MAGI1: variants seen among roughly 807,000 people sequenced by gnomAD.
MAGI1 encodes the protein membrane-associated guanylate kinase, WW and PDZ domain-containing protein 1.
In MAGI1, 58 loss-of-function variants were observed where a neutral mutation model predicts 139.9. The ratio of observed to expected loss-of-function variants is 0.41; its 90% CI spans 0.34 to 0.52. MAGI1 has a LOEUF of 0.52. Ranked by LOEUF, MAGI1 falls within the 20% of genes least tolerant of loss-of-function variation. The pLI is 0.12. For synonymous variants in MAGI1, 812 were observed against 737.9 expected, an observed-to-expected ratio of 1.10 and a Z score of -1.63; for missense variants, 1,874 against 1,901.6, an observed-to-expected ratio of 0.99 and a Z score of 0.27.
At chr3:65,415,057 C>T (rs1946102593) in intron 12 of MAGI1, among the ~76,000 whole-genome samples, 1 of 150,268 alleles carries the variant, frequency 6.7e-6, no homozygotes, top group African/African-American at 2.4e-5. Flanking sequence ...AACATCATTA[C>T]CTATAAAGAA....
At chr3:65,739,781 C>T (rs1171419057) in intron 1 of MAGI1, among the ~76,000 whole-genome samples, 2 of 152,112 alleles carry the variant, frequency 1.3e-5, no homozygotes, top group Non-Finnish European at 2.9e-5. Context: ...TTAAGTTTGC[C>T]ATCTTATATG....
intron 1 of MAGI1, among the ~76,000 whole-genome samples, chr3:65,906,942 A>C (rs1225369813): frequency 1.3e-5 from 2 of 152,140 alleles, no homozygotes; most frequent in East Asian, 3.9e-4. Context: ...AAAAAAAGAA[A>C]AAGAACTTGA....
At chr3:65,616,777 A>G (rs1559724140) in intron 2 of MAGI1, among the ~76,000 whole-genome samples, 1 of 152,216 alleles carries the variant, frequency 6.6e-6, no homozygotes, top group African/African-American at 2.4e-5. Context: ...CCAGTGTCCA[A>G]CACAACCTGA....
intron 1 of MAGI1, among the ~76,000 whole-genome samples, chr3:65,959,601 TTTATTA>T (rs34295973): frequency 0.04 from 5,108 of 127,208 alleles, 123 homozygotes; most frequent in Non-Finnish European, 0.047. Context: ...TCCCAGCATT[TTTATTA>T]TTATTATTAT....
At chr3:65,644,034 C>T (rs1417635162) in intron 1 of MAGI1, among the ~76,000 whole-genome samples, 1 of 152,114 alleles carries the variant, frequency 6.6e-6, no homozygotes, top group Non-Finnish European at 1.5e-5. Flanking sequence ...ACTTCTGCCC[C>T]ACATAGCAGT....
At chr3:65,913,390 C>G (rs1188407043) in intron 1 of MAGI1, among the ~76,000 whole-genome samples, 1 of 152,174 alleles carries the variant, frequency 6.6e-6, no homozygotes, top group Non-Finnish European at 1.5e-5. Flanking sequence ...CCCCAACCCC[C>G]CCAAAAAATC....
chr3:65,928,525 A>G (rs1335487273), intron 1 of MAGI1, among the ~76,000 whole-genome samples: 1 of 152,172 alleles, frequency 6.6e-6, no homozygotes, highest in Non-Finnish European at 1.5e-5. Flanking sequence ...CAACTGCTCT[A>G]TGAGGGCAGG....
chr3:65,789,286 C>A (rs141341815), intron 1 of MAGI1, among the ~76,000 whole-genome samples: 3,640 of 152,240 alleles, frequency 0.024, 56 homozygotes, highest in Non-Finnish European at 0.028. Flanking sequence ...TGCCACCAGT[C>A]CTGTGGTATT....
chr3:65,923,926 G>C (rs2062363666), intron 1 of MAGI1, among the ~76,000 whole-genome samples: 1 of 152,150 alleles, frequency 6.6e-6, no homozygotes, highest in African/African-American at 2.4e-5. Context: ...CAGCATCAAT[G>C]CACCTGAATT....
chr3:65,646,113 G>A (rs2085245997), intron 1 of MAGI1, among the ~76,000 whole-genome samples: 1 of 151,952 alleles, frequency 6.6e-6, no homozygotes, highest in African/African-American at 2.4e-5. Flanking sequence ...GAGGTTAGCA[G>A]AATAAATTTA....
At chr3:65,987,295 A>C (rs1254901039) in intron 1 of MAGI1, among the ~76,000 whole-genome samples, 1 of 152,122 alleles carries the variant, frequency 6.6e-6, no homozygotes, top group East Asian at 1.9e-4. Context: ...CAAGGCATGC[A>C]CCTTGTCATG....
intron 1 of MAGI1, among the ~76,000 whole-genome samples, chr3:65,625,427 C>G (rs1245081749): frequency 6.6e-6 from 1 of 152,042 alleles, no homozygotes; most frequent in African/African-American, 2.4e-5. Context: ...GGTAGTTAAG[C>G]CAGACGTGCC....
intron 1 of MAGI1, among the ~76,000 whole-genome samples, chr3:65,643,552 A>G (rs1028379443): frequency 1.3e-5 from 2 of 152,174 alleles, no homozygotes; most frequent in African/African-American, 4.8e-5. Flanking sequence ...ACCTTGGGAC[A>G]AACCTCAACA....
At chr3:66,024,266 T>A (rs895789523) in intron 1 of MAGI1, among the ~76,000 whole-genome samples, 7 of 144,030 alleles carry the variant, frequency 4.9e-5, no homozygotes, top group Admixed American at 7.0e-5. Context: ...ACCCTTTTTT[T>A]AAAAAAAAGA....
chr3:65,716,288 T>G (rs887548984), intron 1 of MAGI1, among the ~76,000 whole-genome samples: 1 of 152,216 alleles, frequency 6.6e-6, no homozygotes, highest in African/African-American at 2.4e-5. Flanking sequence ...CCAAAGGGAT[T>G]TGTGTAATCT....
chr3:65,936,467 G>A (rs1358316918), intron 1 of MAGI1, among the ~76,000 whole-genome samples: 4 of 151,658 alleles, frequency 2.6e-5, no homozygotes, highest in Admixed American at 1.3e-4. Context: ...GCGAAACCCC[G>A]TCTCTACTAA....
At chr3:65,794,669 C>G (rs570669599) in intron 1 of MAGI1, among the ~76,000 whole-genome samples, 1 of 152,094 alleles carries the variant, frequency 6.6e-6, no homozygotes, top group Non-Finnish European at 1.5e-5. Flanking sequence ...GATGCCCCAG[C>G]AGGAGACCCT....
chr3:65,659,421 G>T (rs1257264155), intron 1 of MAGI1, among the ~76,000 whole-genome samples: 1 of 152,104 alleles, frequency 6.6e-6, no homozygotes, highest in African/African-American at 2.4e-5. Context: ...TTTGACCTAG[G>T]TTTCACCTAG....
chr3:65,653,393 C>G (rs996296358), intron 1 of MAGI1, among the ~76,000 whole-genome samples: 2 of 152,168 alleles, frequency 1.3e-5, no homozygotes, highest in Admixed American at 6.6e-5. Context: ...TTGCCTTTCT[C>G]CAGTTTGCAT....
Sources: allele counts gnomAD v4.1 joint callset (sites outside exome capture counted in the v4.1 genomes callset), GRCh38; gene constraint gnomAD v4.1.1; transcripts MANE v1.5; gene names NCBI Gene and HGNC (gene_info 2026-07-23, HGNC 2026-07-21).